Variants in ZFP62 observed in about 807,000 individuals in gnomAD.
The protein encoded by ZFP62 is zinc finger protein 62 homolog.
ZFP62 carries 44 observed loss-of-function variants against 56.4 expected under a neutral mutation model. That is an observed-to-expected ratio of 0.78 (90% confidence interval 0.61 to 1.00). ZFP62 has a LOEUF of 1.00. Ranked by LOEUF, ZFP62 falls within the 50% of genes least tolerant of loss-of-function variation. ZFP62 has a pLI of 0.00. For synonymous variants in ZFP62, 421 were observed against 388.9 expected (o/e 1.08, Z -0.97); for missense variants, 1,030 against 1,085.7 (o/e 0.95, Z 0.72).
In ZFP62 at chr5:180,849,414, G is replaced by A. The variant is rs1198142989; in HGVS notation, c.2081C>T (p.Thr694Ile). 1.9e-6 allele frequency: 3 copies of A among 1,550,546 alleles called. No individual in the cohort carries two copies. The change falls in exon 2 of 2, where the codon ACC becomes ATC. Residue 694 changes from threonine to isoleucine, a missense_variant. Thr to Ile is a moderately conservative substitution (Grantham distance 89, BLOSUM62 -1). Transcript: ENST00000502412. ...SHSSLINHKSTHPGRTPHTCD... is the reference protein window; with the variant it reads ...SHSSLINHKSIHPGRTPHTCD... ...TGTATGGGGTGTCCTGCCAGGGTGGGTACTCTTATGGTTAATAAGGCTTGA... is the reference window on the plus strand; with the variant it reads ...TGTATGGGGTGTCCTGCCAGGGTGGATACTCTTATGGTTAATAAGGCTTGA...
At chr5:180,832,495 T>C in the ZFP62 span, among the ~76,000 whole-genome samples, 4 of 152,222 alleles carry the variant, frequency 2.6e-5, no homozygotes, top group African/African-American at 9.6e-5. Context: ...TAAATTTACA[T>C]TGTTTTAAGC....
downstream of ZFP62, chr5:180,847,475 TG>T: frequency 3.7e-6 from 2 of 544,116 alleles, no homozygotes; most frequent in Non-Finnish European, 4.7e-6. Context: ...TTCTAACTTC[TG>T]GTGAAACCAG....
chr5:180,837,532 C>T, the ZFP62 span, among the ~76,000 whole-genome samples: 4 of 152,150 alleles, frequency 2.6e-5, no homozygotes, highest in Non-Finnish European at 4.4e-5. Flanking sequence ...TTAGGCTAAC[C>T]ATTGAAGGGA....
At chr5:180,838,256 G>A in the ZFP62 span, among the ~76,000 whole-genome samples, 824 of 152,154 alleles carry the variant, frequency 5.4e-3, 8 homozygotes, top group African/African-American at 0.018. Flanking sequence ...TGTGGTGGTG[G>A]AGCATGGCCT....
At chr5:180,830,419 G>A in the ZFP62 span, 2 of 152,454 alleles carry the variant, frequency 1.3e-5, no homozygotes, top group African/African-American at 4.8e-5. Flanking sequence ...TAGATCAAGG[G>A]AAGAAAGGGG....
the ZFP62 span, among the ~76,000 whole-genome samples, chr5:180,829,503 G>T: frequency 0.051 from 7,802 of 152,192 alleles, 625 homozygotes; most frequent in African/African-American, 0.17. Flanking sequence ...GTAAAATTCC[G>T]CTCTTTGTAC....
chr5:180,859,515 T>G (rs1052601072), intron 1 of ZFP62, among the ~76,000 whole-genome samples: 1 of 152,228 alleles, frequency 6.6e-6, no homozygotes, highest in Non-Finnish European at 1.5e-5. Context: ...TGCTTAAATA[T>G]AGAAATAAGA....
chr5:180,844,956 T>C (rs539033826), downstream of ZFP62, among the ~76,000 whole-genome samples: 1 of 152,206 alleles, frequency 6.6e-6, no homozygotes, highest in East Asian at 1.9e-4. Context: ...TAGGCAGCCT[T>C]CTAAGGACCT....
At position 180,851,155 on chromosome 5, in the gene ZFP62, C is replaced by T; in HGVS notation, c.340G>A (p.Glu114Lys). The change falls in exon 2 of 2, where the codon GAG becomes AAG. Residue 114 changes from glutamate (E) to lysine (K), a missense_variant. Coordinates refer to ENST00000502412, the MANE Select transcript of ZFP62 (RefSeq NM_001172638.2). ...ATGTTCTCCACACGTTTGCCTTGCTCACTGCCTCTCTGTCCTATAGGCATA... is the reference window on the plus strand; with the variant it reads ...ATGTTCTCCACACGTTTGCCTTGCTTACTGCCTCTCTGTCCTATAGGCATA... The part of the protein sequence containing the change: ...QTMPIGQRGS[E>K]QGKRVENING... 1.3e-6 allele frequency: 2 copies of T among 1,551,742 alleles called. No homozygotes were observed. The highest frequency in any genetic ancestry group is 8.7e-7 in the Non-Finnish European group (1 of 1,147,000).
chr5:180,849,258 TGAGA>T lies in ZFP62; in HGVS notation c.2233_2236del (p.Gln746ThrfsTer122), dbSNP rs1561901860. ...CTCCCCTGTGTGGATCCTCTTGTGCTGAGAAAGGAGAGAGCTGTAACTGAAAGAT... is the reference window on the plus strand; with the variant it reads ...CTCCCCTGTGTGGATCCTCTTGTGCTAAGGAGAGAGCTGTAACTGAAAGAT... On this transcript the variant is annotated frameshift_variant, in exon 2 of 2. Transcript: ENST00000502412. LOFTEE classifies it high-confidence loss of function. 3.9e-6 allele frequency: 6 copies of T among 1,555,446 alleles called. No individual in the cohort carries two copies. Among genetic ancestry groups the T allele is most frequent in the South Asian group, 1.2e-5 (1 of 84,226 alleles).
intron 1 of ZFP62, chr5:180,852,005 G>A: frequency 2.0e-6 from 2 of 987,120 alleles, no homozygotes; most frequent in Non-Finnish European, 2.4e-6. Context: ...GGGGTATCAG[G>A]GAGAAGGCTA....
At chr5:180,841,320 CAT>C in the ZFP62 span, among the ~76,000 whole-genome samples, 116,178 of 149,914 alleles carry the variant, frequency 0.77, 45,131 homozygotes, top group East Asian at 0.98. Flanking sequence ...TACATACACA[CAT>C]ATATATATAT....
intron 1 of ZFP62, among the ~76,000 whole-genome samples, chr5:180,855,897 A>G (rs1340885417): frequency 2.0e-5 from 3 of 152,176 alleles, no homozygotes; most frequent in African/African-American, 7.2e-5. Context: ...ACACCTAGTC[A>G]CTGGGCAGTG....
At chr5:180,827,287 A>C in the ZFP62 span, among the ~76,000 whole-genome samples, 1 of 152,176 alleles carries the variant, frequency 6.6e-6, no homozygotes. Context: ...AAAGAAAGAG[A>C]GATCAGATTG....
In ZFP62 at chr5:180,850,700, G is replaced by A; in HGVS notation, c.795C>T (p.Ser265=). ...TCCTTTTGTGGACTCTGAGCCCAGA[G>A]CTGTTCCTGAAGGCCTTCCCACACT... ...CGECGKAFRN[S]SGLRVHKRIH... The change falls in exon 2 of 2, where the codon AGC becomes AGT. Residue 265 remains serine, a synonymous_variant. Coordinates refer to ENST00000502412, the MANE Select transcript of ZFP62 (RefSeq NM_001172638.2). 1 of 1,603,118 alleles carries A rather than the reference G, an allele frequency of 6.2e-7. No homozygotes were observed.
Position 180,848,646 on chromosome 5 carries a change from G to A in ZFP62, c.*146C>T. The stretch of plus-strand genomic sequence containing the variant: ...GGAGCCTTTCTTGCTTGCTATGATT[G>A]AAAATCACATAGAAAGGATTCCTCA... On this transcript the variant is annotated 3_prime_UTR_variant, in exon 2 of 2. Transcript: ENST00000502412. 7.3e-7 allele frequency: 1 copy of A among 1,375,168 alleles called. No individual in the cohort carries two copies. The highest frequency in any genetic ancestry group is 9.4e-7 in the Non-Finnish European group (1 of 1,065,510). 85.2% of individuals were successfully genotyped at this position (1,375,168 alleles called of 1,614,324 possible).
Position 180,861,229 on chromosome 5 carries a change from G to T in ZFP62, c.-10C>A. ...CGCGGACTCACGTACTGGCTGTGGC[G>T]GCGCCGCGGGAACCCGGCCGCCAGC... On this transcript the variant is annotated 5_prime_UTR_variant, in exon 1 of 2. Coordinates refer to ENST00000502412, the MANE Select transcript of ZFP62 (RefSeq NM_001172638.2). 5.0e-6 allele frequency: 2 copies of T among 398,104 alleles called. No individual in the cohort carries two copies. The highest frequency in any genetic ancestry group is 1.3e-4 in the South Asian group (1 of 7,862). The allele number at this position is 398,104 out of a possible 1,614,324, so 24.7% of individuals were successfully genotyped here.
At chr5:180,839,794 C>G in the ZFP62 span, among the ~76,000 whole-genome samples, 33,741 of 152,046 alleles carry the variant, frequency 0.22, 4,882 homozygotes, top group African/African-American at 0.41. Context: ...ATGGTTGTGT[C>G]CTGACAGGAA....
At chr5:180,834,281 CTGAT>C in the ZFP62 span, 1 of 152,252 alleles carries the variant, frequency 6.6e-6, no homozygotes, top group Non-Finnish European at 1.5e-5. Context: ...TATTGACTGA[CTGAT>C]TGATGGGGCC....
Sources: gnomAD v4.1 joint callset for allele counts (sites outside exome capture counted in the v4.1 genomes callset) on GRCh38, gnomAD v4.1.1 for gene constraint, MANE v1.5 for transcripts, NCBI Gene and HGNC (gene_info 2026-07-23, HGNC 2026-07-21) for gene names.